MEIS1: variants seen among roughly 807,000 people sequenced by gnomAD.
The protein encoded by MEIS1 is homeobox protein Meis1.
A neutral mutation model predicts 50.8 loss-of-function variants in MEIS1; 5 were observed. That is an observed-to-expected ratio of 0.10 (90% CI 0.05 to 0.21). MEIS1 has a LOEUF of 0.21. Among genes scored for constraint, MEIS1 ranks in the 10% least tolerant of loss-of-function variants. The probability of loss-of-function intolerance (pLI) is 1.00; values close to 1 mark genes in which losing one functional copy is unlikely to be tolerated. For missense variants in MEIS1, 318 were observed against 517.3 expected (o/e 0.61, Z 3.74); for synonymous variants, 176 against 179.3 (o/e 0.98, Z 0.15).
intron 7 of MEIS1, among the ~76,000 whole-genome samples, chr2:66,489,580 T>C (rs1244940764): frequency 6.6e-6 from 1 of 152,178 alleles, no homozygotes; most frequent in African/African-American, 2.4e-5. Flanking sequence ...TTGTGGAGAA[T>C]ATCACCCTGG....
chr2:66,439,042 G>A (rs977195335), intron 2 of MEIS1: 3 of 151,472 alleles, frequency 2.0e-5, no homozygotes, highest in Non-Finnish European at 2.9e-5. Flanking sequence ...ACCTCCTTGG[G>A]CATTAGAAGA....
intron 6 of MEIS1, among the ~76,000 whole-genome samples, chr2:66,463,145 A>G (rs755227126): frequency 2.6e-5 from 4 of 151,838 alleles, no homozygotes; most frequent in Non-Finnish European, 4.4e-5. Context: ...CTCTACTACT[A>G]TATAGTCATG....
intron 6 of MEIS1, among the ~76,000 whole-genome samples, chr2:66,461,460 C>T (rs1321319380): frequency 6.6e-6 from 1 of 152,174 alleles, no homozygotes; most frequent in South Asian, 2.1e-4. Context: ...TGCTCAGTTT[C>T]ATGTGACTAC....
At chr2:66,450,246 A>C (rs893810784) in intron 6 of MEIS1, among the ~76,000 whole-genome samples, 3 of 152,156 alleles carry the variant, frequency 2.0e-5, no homozygotes, top group Admixed American at 2.0e-4. Context: ...GTACTTCATA[A>C]TTCTATTTAC....
chr2:66,533,417 C>T (rs1289924386), intron 8 of MEIS1, among the ~76,000 whole-genome samples: 3 of 152,096 alleles, frequency 2.0e-5, no homozygotes, highest in Non-Finnish European at 4.4e-5. Flanking sequence ...AATGTGTGAC[C>T]CCTTGAAGGC....
At chr2:66,528,294 G>C (rs890740378) in intron 8 of MEIS1, among the ~76,000 whole-genome samples, 3 of 152,178 alleles carry the variant, frequency 2.0e-5, no homozygotes, top group Non-Finnish European at 4.4e-5. Flanking sequence ...CGAACAGACA[G>C]ACAGGTCTCT....
At chr2:66,473,397 A>AAAAAAAAAAAATATATATAT in intron 7 of MEIS1, among the ~76,000 whole-genome samples, 2 of 107,588 alleles carry the variant, frequency 1.9e-5, no homozygotes, top group South Asian at 2.7e-4. Context: ...AAAAAAAAAA[A>AAAAAAAAAAAATATATATAT]ATATATATAT....
chr2:66,481,191 G>T (rs1181935511), intron 7 of MEIS1, among the ~76,000 whole-genome samples: 1 of 152,142 alleles, frequency 6.6e-6, no homozygotes, highest in Admixed American at 6.5e-5. Context: ...GGAAGGCAGG[G>T]TATCCTACAT....
At chr2:66,481,387 T>A (rs1327386047) in intron 7 of MEIS1, among the ~76,000 whole-genome samples, 1 of 152,242 alleles carries the variant, frequency 6.6e-6, no homozygotes, top group Non-Finnish European at 1.5e-5. Context: ...GCATTTCTTG[T>A]CACTTCCTCA....
intron 9 of MEIS1, among the ~76,000 whole-genome samples, chr2:66,550,057 G>T (rs781186584): frequency 6.6e-6 from 1 of 152,174 alleles, no homozygotes; most frequent in Non-Finnish European, 1.5e-5. Flanking sequence ...GAGAAAGGAT[G>T]TTTAAAAAGT....
chr2:66,531,673 C>T (rs758142208), intron 8 of MEIS1, among the ~76,000 whole-genome samples: 5 of 152,172 alleles, frequency 3.3e-5, no homozygotes, highest in Non-Finnish European at 2.9e-5. Flanking sequence ...CATTAATACT[C>T]GCTGACATTG....
chr2:66,544,256 C>T (rs1012793641), intron 8 of MEIS1, among the ~76,000 whole-genome samples: 2 of 151,860 alleles, frequency 1.3e-5, no homozygotes, highest in African/African-American at 2.4e-5. Flanking sequence ...GGGTTTTTGT[C>T]AAGTCATTTT....
intron 9 of MEIS1, among the ~76,000 whole-genome samples, chr2:66,558,279 CAAAAAAAAAAAA>C (rs59017279): frequency 1.8e-4 from 10 of 57,092 alleles, no homozygotes; most frequent in Admixed American, 8.2e-4. Flanking sequence ...AACTCCATCT[CAAAAAAAAAAAA>C]AAAAAAAAAA....
chr2:66,545,599 C>T (rs1023768210), intron 8 of MEIS1, among the ~76,000 whole-genome samples: 4 of 152,170 alleles, frequency 2.6e-5, no homozygotes, highest in African/African-American at 9.7e-5. Context: ...CTAGTAGAGA[C>T]ATAGACCTAC....
At chr2:66,544,617 G>C (rs909594295) in intron 8 of MEIS1, among the ~76,000 whole-genome samples, 1 of 151,958 alleles carries the variant, frequency 6.6e-6, no homozygotes, top group East Asian at 1.9e-4. Context: ...ATTTGTCCAG[G>C]CTCATTCATT....
At chr2:66,440,956 C>G (rs1208600739) in intron 4 of MEIS1, 3 of 354,826 alleles carry the variant, frequency 8.5e-6, no homozygotes, top group African/African-American at 2.1e-5. Flanking sequence ...AGTCCCATCA[C>G]GAGGGCAGCC....
chr2:66,476,134 G>T (rs774846587), intron 7 of MEIS1, among the ~76,000 whole-genome samples: 25 of 152,140 alleles, frequency 1.6e-4, no homozygotes, highest in Admixed American at 3.3e-4. Context: ...AGAGATTCAG[G>T]TAAACAATGG....
chr2:66,571,021 A>T, intron 12 of MEIS1: 1 of 512,418 alleles, frequency 2.0e-6, no homozygotes, highest in Non-Finnish European at 3.4e-6. Context: ...CAGTAGGCGG[A>T]CCTGATAACA....
At chr2:66,508,079 G>T (rs1673727154) in intron 7 of MEIS1, among the ~76,000 whole-genome samples, 1 of 152,342 alleles carries the variant, frequency 6.6e-6, no homozygotes, top group Non-Finnish European at 1.5e-5. Flanking sequence ...CACGCTGAAA[G>T]GTTTGACAGT....
Sources: gnomAD v4.1 joint callset for allele counts (sites outside exome capture counted in the v4.1 genomes callset) on GRCh38, gnomAD v4.1.1 for gene constraint, MANE v1.5 for transcripts, NCBI Gene and HGNC (gene_info 2026-07-23, HGNC 2026-07-21) for gene names.